The following CEP290 variants were observed in gnomAD, a reference collection of about 807,000 sequenced individuals.
The protein encoded by CEP290 is centrosomal protein of 290 kDa.
A neutral mutation model predicts 344.9 loss-of-function variants in CEP290; 317 were observed. The ratio of observed to expected loss-of-function variants is 0.92; its 90% CI spans 0.84 to 1.01. CEP290 has a LOEUF of 1.01. Among genes scored for constraint, CEP290 ranks in the 50% least tolerant of loss-of-function variants. CEP290 has a pLI of 0.00. For missense variants in CEP290, 2,754 were observed against 2,761.4 expected, an observed-to-expected ratio of 1.00 and a Z score of 0.06; for synonymous variants, 932 against 895.8, an observed-to-expected ratio of 1.04 and a Z score of -0.72.
chr12:88,096,774 T>C (rs537192986), intron 27 of CEP290, 114 bp downstream of exon 27: 45 of 588,132 alleles, frequency 7.7e-5, no homozygotes, highest in African/African-American at 6.2e-4. Flanking sequence ...GAAAGTTCTT[T>C]CTTTTTTTAG....
chr12:88,092,438 A>C (rs2137336127), intron 29 of CEP290, among the ~76,000 whole-genome samples: 1 of 152,242 alleles, frequency 6.6e-6, no homozygotes, highest in South Asian at 2.1e-4. Flanking sequence ...TTTCTGCAAT[A>C]ATATTCCTGA....
chr12:88,106,472 T>G (rs908615893), intron 25 of CEP290, among the ~76,000 whole-genome samples: 1 of 152,074 alleles, frequency 6.6e-6, no homozygotes, highest in Non-Finnish European at 1.5e-5. Context: ...GAAAAAAGCC[T>G]TTTTCAAAAG....
At chr12:88,062,499 A>G (rs1357556143) in intron 46 of CEP290, among the ~76,000 whole-genome samples, 193 bp downstream of exon 46, 2 of 152,220 alleles carry the variant, frequency 1.3e-5, no homozygotes, top group African/African-American at 2.4e-5. Context: ...AAAGTATGTA[A>G]GGTATAACAG....
intron 5 of CEP290, among the ~76,000 whole-genome samples, chr12:88,138,153 G>A (rs940585382): frequency 6.6e-6 from 1 of 151,994 alleles, no homozygotes; most frequent in Admixed American, 6.6e-5. Flanking sequence ...CGACCTCACA[G>A]GACACTCTAA....
chr12:88,138,629 A>G (rs912584979), intron 5 of CEP290, among the ~76,000 whole-genome samples: 2 of 152,148 alleles, frequency 1.3e-5, no homozygotes, highest in Admixed American at 6.5e-5. Context: ...TATGCCTACA[A>G]ACATAAAAGC....
rs1467596467 is a variant in CEP290 at position 88,097,016 on chromosome 12, T to C, written c.2992-17A>G. ...GTTTTCACACTGAATAAAGGAAAAA[T>C]ATCACTAAGAAACTACATTGTAATT... On this transcript the variant is annotated splice_polypyrimidine_tract_variant and intron_variant, in intron 26 of 53. Transcript: ENST00000552810. 3 of 1,269,158 alleles carry C rather than the reference T, an allele frequency of 2.4e-6. No individual in the cohort carries two copies. Among genetic ancestry groups the C allele is most frequent in the Non-Finnish European group, 3.3e-6 (3 of 900,406 alleles). The allele number at this position is 1,269,158 out of a possible 1,614,324, so 78.6% of individuals were successfully genotyped here.
Position 88,129,906 on chromosome 12 carries a change from A to G in CEP290, c.670-30T>C, listed in dbSNP as rs1592672002. The G allele has an allele frequency of 1.3e-5, 17 of 1,304,026 alleles. No homozygotes were observed. The East Asian group carries it at 4.6e-4, about 36-fold the overall frequency. 80.8% of individuals were successfully genotyped at this position (1,304,026 alleles called of 1,614,324 possible). A position where few individuals can be genotyped will look rare whatever the true frequency, so the allele number is the denominator to read the frequency against. ...AAAAGTTAAAGACACTATAATTAAA[A>G]AGTAATTTTAAAAAAACTGAAATTT... On this transcript the variant is annotated intron_variant, in intron 9 of 53. Transcript: ENST00000552810.
chr12:88,108,628 G>A (rs2038457541), intron 23 of CEP290, among the ~76,000 whole-genome samples: 1 of 152,156 alleles, frequency 6.6e-6, no homozygotes, highest in African/African-American at 2.4e-5. Flanking sequence ...GAACAATGAT[G>A]ATTGTGATGA....
intron 41 of CEP290, among the ~76,000 whole-genome samples, chr12:88,076,759 C>T (rs2035807528): frequency 6.6e-6 from 1 of 152,016 alleles, no homozygotes; most frequent in South Asian, 2.1e-4. Flanking sequence ...TTCCAAATAA[C>T]TTTGCTATCT....
Position 88,117,045 on chromosome 12 carries a change from T to G in CEP290, c.1812A>C (p.Glu604Asp). ...ACTTTACTATTACCTTTGATTGTGC[T>G]TCACTCATATTTTTGAGGCTCAATA... is the stretch of plus-strand genomic sequence containing the variant. ...LDLLSLKNMS[E>D]AQSKNEFLSR... Residue 604 changes from glutamate (E) to aspartate (D), a missense_variant, in exon 18 of 54, where the codon GAA becomes GAC. Coordinates refer to ENST00000552810, the MANE Select transcript of CEP290 (RefSeq NM_025114.4). 6.8e-7 allele frequency: 1 copy of G among 1,465,032 alleles called. No homozygotes were observed. The highest frequency in any genetic ancestry group is 9.4e-7 in the Non-Finnish European group (1 of 1,065,432). The allele number at this position is 1,465,032 out of a possible 1,614,324, so 90.8% of individuals were successfully genotyped here.
chr12:88,057,580 T>C (rs1261398364), intron 49 of CEP290, among the ~76,000 whole-genome samples: 2 of 152,202 alleles, frequency 1.3e-5, no homozygotes, highest in Non-Finnish European at 2.9e-5. Context: ...ACTGGCTTTC[T>C]GACAGAATAA....
At position 88,111,675 on chromosome 12, in the gene CEP290, T is replaced by C. The variant is rs2038701600; in HGVS notation, c.2217+19A>G. The C allele has an allele frequency of 6.5e-7, 1 of 1,541,790 alleles. No homozygotes were observed. Among genetic ancestry groups the C allele is most frequent in the Non-Finnish European group, 8.7e-7 (1 of 1,151,628 alleles). On this transcript the variant is annotated intron_variant, in intron 21 of 53. Coordinates refer to ENST00000552810, the MANE Select transcript of CEP290 (RefSeq NM_025114.4). ...CATTCTTATGTTTAGCATTTTCTTT[T>C]ATTTAATAAAATTCTCACCTTTAAA...
chr12:88,114,563 CTGTAA>C lies in CEP290; in HGVS notation c.1910-6_1910-2del. The C allele has an allele frequency of 6.5e-7, 1 of 1,535,638 alleles. No individual in the cohort carries two copies. The highest frequency in any genetic ancestry group is 8.8e-7 in the Non-Finnish European group (1 of 1,139,858). ...TTATTTTCTTCAACTAATTCTTTTA[CTGTAA>C]TTACACAGTTTTCTCATTGGATGAT... On this transcript the variant is annotated splice_acceptor_variant and splice_polypyrimidine_tract_variant and intron_variant, in intron 19 of 53. Coordinates refer to ENST00000552810, the MANE Select transcript of CEP290 (RefSeq NM_025114.4). LOFTEE classifies it high-confidence loss of function.
chr12:88,094,049 T>C lies in CEP290; in HGVS notation c.3104-74A>G, dbSNP rs1374460864. On this transcript the variant is annotated intron_variant, in intron 27 of 53. Transcript: ENST00000552810. ...TACCTCAGATATTTTAGATGCTGTA[T>C]ATTAGAAAGCATTATAGTTCCATGG... The C allele has an allele frequency of 2.6e-6, 3 of 1,137,448 alleles. No individual in the cohort carries two copies. In the East Asian group the frequency reaches 7.2e-5, roughly 27 times the overall value. 70.5% of individuals were successfully genotyped at this position (1,137,448 alleles called of 1,614,324 possible).
chr12:88,077,163 G>A, intron 41 of CEP290, 59 bp downstream of exon 41: 5 of 1,490,888 alleles, frequency 3.4e-6, no homozygotes, highest in Non-Finnish European at 4.5e-6. Context: ...AATCAGCTAT[G>A]TATTTAACTT....
intron 20 of CEP290, among the ~76,000 whole-genome samples, 193 bp downstream of exon 20, chr12:88,114,227 G>A (rs533615080): frequency 1.4e-4 from 21 of 152,198 alleles, no homozygotes; most frequent in African/African-American, 4.6e-4. Context: ...CTTGAAGACA[G>A]ATTAATAACA....
At chr12:88,097,448 G>T (rs768785538) in intron 26 of CEP290, among the ~76,000 whole-genome samples, 5 of 151,904 alleles carry the variant, frequency 3.3e-5, no homozygotes, top group Non-Finnish European at 5.9e-5. Context: ...TTCCCCTTCT[G>T]CCATAACTGT....
chr12:88,103,273 G>A (rs2038036600), intron 25 of CEP290: 3 of 216,268 alleles, frequency 1.4e-5, no homozygotes. Context: ...ATTAATTTGA[G>A]AAAACATAAC....
At chr12:88,087,983 T>C (rs2036724808) in intron 31 of CEP290, 39 bp from the exon 32 acceptor site, 2 of 822,384 alleles carry the variant, frequency 2.4e-6, no homozygotes, top group Non-Finnish European at 3.3e-6. Context: ...ATAAATGCTA[T>C]ATTAACAAAT....
Sources: allele counts gnomAD v4.1 joint callset (sites outside exome capture counted in the v4.1 genomes callset), GRCh38; gene constraint gnomAD v4.1.1; transcripts MANE v1.5; gene names NCBI Gene and HGNC (gene_info 2026-07-23, HGNC 2026-07-21).